Variants in GRID2 observed in about 807,000 individuals in gnomAD.
The protein encoded by GRID2 is glutamate ionotropic receptor delta type subunit 2, also known as glutamate receptor ionotropic, delta-2.
Under a neutral mutation model 114.8 loss-of-function variants are expected in GRID2, and 33 were observed. The ratio of observed to expected loss-of-function variants is 0.29; its 90% CI spans 0.22 to 0.38. The LOEUF (loss-of-function observed/expected upper bound fraction) is 0.38. Among genes scored for constraint, GRID2 ranks in the 10% least tolerant of loss-of-function variants. The probability of loss-of-function intolerance (pLI) is 1.00; values close to 1 mark genes in which losing one functional copy is unlikely to be tolerated. For missense variants in GRID2, 1,184 were observed against 1,257.7 expected, an observed-to-expected ratio of 0.94 and a Z score of 0.89; for synonymous variants, 505 against 449.9, an observed-to-expected ratio of 1.12 and a Z score of -1.55.
intron 14 of GRID2, among the ~76,000 whole-genome samples, chr4:93,638,406 C>G (rs1721625791): frequency 2.9e-5 from 1 of 34,656 alleles, no homozygotes. Context: ...GCGCTGCACC[C>G]ACTAATGTGT....
At chr4:92,808,188 C>T (rs1165939118) in intron 2 of GRID2, among the ~76,000 whole-genome samples, 2 of 151,940 alleles carry the variant, frequency 1.3e-5, no homozygotes, top group Non-Finnish European at 2.9e-5. Flanking sequence ...AGAAACCCTC[C>T]TTGAAGCCTC....
At chr4:93,805,479 G>A (rs1298253633) in intron 1 of GRID2, among the ~76,000 whole-genome samples, 2 of 152,168 alleles carry the variant, frequency 1.3e-5, no homozygotes, top group African/African-American at 4.8e-5. Flanking sequence ...ATTACTTGCT[G>A]AAATAACTGG....
chr4:93,666,006 T>C (rs1461787731), intron 14 of GRID2, among the ~76,000 whole-genome samples: 4 of 152,252 alleles, frequency 2.6e-5, no homozygotes, highest in Middle Eastern at 3.4e-3. Context: ...AGAGCACTTA[T>C]ATGCATATCT....
intron 2 of GRID2, among the ~76,000 whole-genome samples, chr4:92,958,494 C>T (rs182714010): frequency 6.6e-6 from 1 of 151,988 alleles, no homozygotes; most frequent in Non-Finnish European, 1.5e-5. Flanking sequence ...AATATTGAAC[C>T]AGCCTTGTAT....
intron 2 of GRID2, among the ~76,000 whole-genome samples, chr4:92,795,083 G>A (rs553996592): frequency 2.0e-5 from 3 of 151,386 alleles, no homozygotes; most frequent in Admixed American, 6.6e-5. Flanking sequence ...GCAGAAGAGG[G>A]GCAAGATCAG....
intron 14 of GRID2, among the ~76,000 whole-genome samples, chr4:93,648,901 C>T (rs1453718421): frequency 6.6e-6 from 1 of 152,040 alleles, no homozygotes; most frequent in African/African-American, 2.4e-5. Flanking sequence ...TACTACTCTA[C>T]ATTATTTTAT....
At chr4:93,789,501 G>A (rs1467272098) in intron 1 of GRID2, among the ~76,000 whole-genome samples, 2 of 152,086 alleles carry the variant, frequency 1.3e-5, no homozygotes, top group African/African-American at 4.8e-5. Context: ...CATAATCTTG[G>A]TCAAAATCAA....
intron 14 of GRID2, among the ~76,000 whole-genome samples, chr4:93,741,186 T>TATATATATATAC: frequency 3.2e-5 from 1 of 31,590 alleles, no homozygotes; most frequent in African/African-American, 9.9e-5. Context: ...TATATATATA[T>TATATATATATAC]ATATATATAT....
At chr4:92,732,758 A>G (rs530840800) in intron 2 of GRID2, among the ~76,000 whole-genome samples, 1 of 152,222 alleles carries the variant, frequency 6.6e-6, no homozygotes, top group South Asian at 2.1e-4. Flanking sequence ...TCTAACAGAA[A>G]CAGGAGAACA....
intron 1 of GRID2, among the ~76,000 whole-genome samples, chr4:92,434,045 G>A (rs986845672): frequency 5.3e-5 from 8 of 152,112 alleles, no homozygotes; most frequent in Admixed American, 4.6e-4. Context: ...CACAATTCAC[G>A]ATGTCCGTAA....
intron 2 of GRID2, among the ~76,000 whole-genome samples, chr4:93,004,137 T>C (rs554108402): frequency 5.1e-4 from 77 of 151,978 alleles, no homozygotes; most frequent in Non-Finnish European, 1.6e-4. Context: ...ATTAGACATA[T>C]CACATTTTAG....
intron 8 of GRID2, among the ~76,000 whole-genome samples, chr4:93,308,235 A>G (rs1014535439): frequency 6.6e-6 from 1 of 152,196 alleles, no homozygotes; most frequent in Non-Finnish European, 1.5e-5. Context: ...GTGATGGTTC[A>G]GTGTCGAGTC....
At chr4:93,525,447 A>G (rs569128061) in intron 13 of GRID2, among the ~76,000 whole-genome samples, 1 of 152,168 alleles carries the variant, frequency 6.6e-6, no homozygotes, top group Non-Finnish European at 1.5e-5. Context: ...TGGGCCATGT[A>G]TCACTGGAAC....
intron 8 of GRID2, among the ~76,000 whole-genome samples, chr4:93,239,919 T>G (rs1050331395): frequency 1.3e-5 from 2 of 151,720 alleles, no homozygotes; most frequent in South Asian, 4.1e-4. Context: ...GTATATCCTT[T>G]TCTTCTTGCT....
intron 1 of GRID2, among the ~76,000 whole-genome samples, chr4:92,401,251 A>G (rs1009409864): frequency 1.3e-5 from 2 of 152,172 alleles, no homozygotes; most frequent in Non-Finnish European, 2.9e-5. Flanking sequence ...AGTTTATTAT[A>G]TGCAATTTGG....
chr4:93,218,805 A>G (rs144448135), intron 6 of GRID2, among the ~76,000 whole-genome samples: 150 of 152,326 alleles, frequency 9.8e-4, no homozygotes, highest in African/African-American at 3.3e-3. Flanking sequence ...GGGAAGCCTC[A>G]GGAAACTTAC....
chr4:92,605,177 A>G (rs1308774683), intron 2 of GRID2, among the ~76,000 whole-genome samples: 10 of 152,118 alleles, frequency 6.6e-5, no homozygotes, highest in African/African-American at 2.2e-4. Context: ...GCAGTTCTTT[A>G]TAGCAGTATG....
Position 92,640,486 on chromosome 4 carries a change from C to T in GRID2, c.244+50200C>T, listed in dbSNP as rs80080281. ...AATCATAGGTCAAACAGAAATGTAA[C>T]ACTATAGATCTAGTTTGGAAACAAT... On this transcript the variant is annotated intron_variant, in intron 2 of 15. Transcript: ENST00000282020. Among the ~76,000 whole-genome samples, 1,055 of 151,822 alleles carry T rather than the reference C, an allele frequency of 6.9e-3. 13 individuals carry two copies. Among genetic ancestry groups the T allele is most frequent in the East Asian group, 0.065 (337 of 5,146 alleles).
intron 8 of GRID2, among the ~76,000 whole-genome samples, chr4:93,378,547 C>T (rs1357372674): frequency 6.6e-6 from 1 of 152,016 alleles, no homozygotes; most frequent in South Asian, 2.1e-4. Flanking sequence ...ATAATAAAAT[C>T]TCATACATTT....
Sources: allele counts gnomAD v4.1 joint callset (sites outside exome capture counted in the v4.1 genomes callset), GRCh38; gene constraint gnomAD v4.1.1; transcripts MANE v1.5; gene names NCBI Gene and HGNC (gene_info 2026-07-23, HGNC 2026-07-21).